The following UMAD1 variants were observed in gnomAD, a reference collection of about 807,000 sequenced individuals.
UMAD1 encodes UBAP1-MVB12-associated (UMA) domain containing 1, also known as UBAP1-MVB12-associated (UMA)-domain containing protein 1.
A neutral mutation model predicts 6.1 loss-of-function variants in UMAD1; 8 were observed. The ratio of observed to expected loss-of-function variants is 1.30; its 90% CI spans 0.76 to 2.35. The LOEUF (loss-of-function observed/expected upper bound fraction) is 2.35, where lower values mean the gene tolerates loss of function less well. Ranked by LOEUF, UMAD1 falls within the 30% of genes most tolerant of loss-of-function variation. UMAD1 has a pLI of 0.00. For synonymous variants in UMAD1, 56 were observed against 31.4 expected, an observed-to-expected ratio of 1.78 and a Z score of -2.61; for missense variants, 130 against 78.4, an observed-to-expected ratio of 1.66 and a Z score of -2.49.
chr7:7,698,946 C>T (rs1377306733), intron 2 of UMAD1, among the ~76,000 whole-genome samples: 1 of 150,928 alleles, frequency 6.6e-6, no homozygotes, highest in Non-Finnish European at 1.5e-5. Context: ...TCTCGACTTC[C>T]CTGGGCTCAG....
At chr7:7,697,626 TA>T (rs995004219) in intron 2 of UMAD1, among the ~76,000 whole-genome samples, 3 of 152,226 alleles carry the variant, frequency 2.0e-5, no homozygotes, top group African/African-American at 7.2e-5. Flanking sequence ...AAGATATTTT[TA>T]TTTTTTTAAG....
At chr7:7,735,872 A>T (rs1452538767) in intron 2 of UMAD1, 1 of 152,180 alleles carries the variant, frequency 6.6e-6, no homozygotes, top group East Asian at 1.9e-4. Flanking sequence ...TTGCTATAGG[A>T]ATTGTGTTTC....
Position 7,802,117 on chromosome 7 carries a change from C to A in UMAD1, c.156+374C>A, listed in dbSNP as rs189391006. On this transcript the variant is annotated intron_variant, in intron 3 of 3. Transcript: ENST00000682710. ...CCATTCAGCCGGGCACAGTGGCTCA[C>A]GCCTGTAATCCCAGCACTTTGGGAG... Among the ~76,000 whole-genome samples the A allele has an allele frequency of 1.6e-3, 241 of 152,370 alleles. 2 individuals carry two copies. The highest frequency in any genetic ancestry group is 2.5e-3 in the Non-Finnish European group (168 of 68,038).
intron 3 of UMAD1, among the ~76,000 whole-genome samples, chr7:7,860,693 C>T (rs556463329): frequency 3.8e-4 from 56 of 148,998 alleles, no homozygotes; most frequent in Admixed American, 2.4e-3. Context: ...GAGAATGGCG[C>T]GAACCCAGGA....
At chr7:7,655,425 T>A (rs1563088873) in intron 1 of UMAD1, among the ~76,000 whole-genome samples, 1 of 152,160 alleles carries the variant, frequency 6.6e-6, no homozygotes. Context: ...AAATGAAAAG[T>A]TTCAGTTTGG....
At chr7:7,831,899 CT>C (rs1783474002) in intron 3 of UMAD1, among the ~76,000 whole-genome samples, 1 of 152,130 alleles carries the variant, frequency 6.6e-6, no homozygotes, top group East Asian at 1.9e-4. Flanking sequence ...AGGACAACTT[CT>C]TTCTTTGTGG....
intron 2 of UMAD1, among the ~76,000 whole-genome samples, chr7:7,756,494 A>G (rs1463677535): frequency 1.3e-5 from 2 of 152,200 alleles, no homozygotes. Context: ...AAGATGGCCC[A>G]GGATCTTATT....
intron 2 of UMAD1, among the ~76,000 whole-genome samples, chr7:7,714,857 T>TC (rs1342429947): frequency 5.0e-4 from 75 of 149,934 alleles, no homozygotes; most frequent in African/African-American, 1.7e-3. Flanking sequence ...ATTTTTCTTT[T>TC]TTTTTTTTTT....
rs141331891 is a variant in UMAD1, at chr7:7,771,647, A to G, written c.83-30023A>G. ...TCAGAATTAAAAGCTGTTCTAAACT[A>G]GATTATATTCTTATGTTTCTACAAA... is the stretch of plus-strand genomic sequence containing the variant. On this transcript the variant is annotated intron_variant, in intron 2 of 3. Transcript: ENST00000682710. Among the ~76,000 whole-genome samples, 104 of 152,318 alleles carry G rather than the reference A, an allele frequency of 6.8e-4. 1 individual carries two copies. Among genetic ancestry groups the G allele is most frequent in the African/African-American group, 2.2e-3 (92 of 41,572 alleles).
intron 2 of UMAD1, among the ~76,000 whole-genome samples, chr7:7,695,198 C>T (rs11508478): frequency 0.45 from 68,729 of 151,968 alleles, 16,114 homozygotes; most frequent in African/African-American, 0.57. Flanking sequence ...TTGAGAAGCT[C>T]GCTGTTTCCA....
At chr7:7,676,187 A>T (rs544800600) in intron 2 of UMAD1, 21 of 398,486 alleles carry the variant, frequency 5.3e-5, no homozygotes, top group Non-Finnish European at 8.4e-5. Flanking sequence ...TGGCTCCACG[A>T]CTTACTCTCT....
At chr7:7,865,768 T>A (rs1448758595) in intron 3 of UMAD1, among the ~76,000 whole-genome samples, 3 of 152,182 alleles carry the variant, frequency 2.0e-5, no homozygotes, top group Non-Finnish European at 4.4e-5. Flanking sequence ...GAAACACTGA[T>A]TCCTGGGAGA....
intron 3 of UMAD1, among the ~76,000 whole-genome samples, chr7:7,809,164 TA>T (rs767332297): frequency 2.0e-5 from 3 of 151,974 alleles, no homozygotes; most frequent in Non-Finnish European, 4.4e-5. Flanking sequence ...CTAAAATTGT[TA>T]GGGGCATGAT....
At chr7:7,818,494 T>C (rs1267490237) in intron 3 of UMAD1, among the ~76,000 whole-genome samples, 2 of 152,128 alleles carry the variant, frequency 1.3e-5, no homozygotes, top group Non-Finnish European at 2.9e-5. Context: ...AGAATGGCTA[T>C]TAATAAAAAG....
At chr7:7,839,484 A>G (rs1188821954) in intron 3 of UMAD1, among the ~76,000 whole-genome samples, 1 of 152,232 alleles carries the variant, frequency 6.6e-6, no homozygotes, top group Non-Finnish European at 1.5e-5. Context: ...AAACCCGGCC[A>G]GATGAACACT....
At chr7:7,661,762 T>C (rs1180791877) in intron 1 of UMAD1, among the ~76,000 whole-genome samples, 1 of 152,144 alleles carries the variant, frequency 6.6e-6, no homozygotes, top group Non-Finnish European at 1.5e-5. Flanking sequence ...GGGAGGTGTC[T>C]CCCAGTCAGG....
chr7:7,714,272 C>G (rs1456340137), intron 2 of UMAD1, among the ~76,000 whole-genome samples: 3 of 152,296 alleles, frequency 2.0e-5, no homozygotes, highest in East Asian at 3.9e-4. Context: ...TTCTATAAAT[C>G]CTTGGATGTT....
chr7:7,653,578 C>T (rs894746698), intron 1 of UMAD1, among the ~76,000 whole-genome samples: 1 of 152,216 alleles, frequency 6.6e-6, no homozygotes, highest in African/African-American at 2.4e-5. Context: ...TACCCATTCA[C>T]AGAGGAGTTA....
At chr7:7,853,924 A>G (rs1445126220) in intron 3 of UMAD1, among the ~76,000 whole-genome samples, 1 of 152,186 alleles carries the variant, frequency 6.6e-6, no homozygotes, top group African/African-American at 2.4e-5. Context: ...TTCACCATTA[A>G]TAATGTTGTC....
Sources: gnomAD v4.1 joint callset for allele counts (sites outside exome capture counted in the v4.1 genomes callset) on GRCh38, gnomAD v4.1.1 for gene constraint, MANE v1.5 for transcripts, NCBI Gene and HGNC (gene_info 2026-07-23, HGNC 2026-07-21) for gene names.